Variants in CUBN observed in about 807,000 individuals in gnomAD.
The protein encoded by CUBN is 460 kDa receptor.
In CUBN, 282 loss-of-function variants were observed where a neutral mutation model predicts 405.3. The ratio of observed to expected loss-of-function variants is 0.70; its 90% CI spans 0.63 to 0.77. The LOEUF is 0.77. CUBN is among the 30% of genes least tolerant of loss of function. The probability of loss-of-function intolerance (pLI) is 0.00; values close to 1 mark genes in which losing one functional copy is unlikely to be tolerated. For synonymous variants in CUBN, 1,684 were observed against 1,617.0 expected (o/e 1.04, Z -0.99); for missense variants, 4,514 against 4,475.2 (o/e 1.01, Z -0.25).
At chr10:16,958,012 A>G (rs1197350489) in intron 31 of CUBN, among the ~76,000 whole-genome samples, 3 of 152,212 alleles carry the variant, frequency 2.0e-5, no homozygotes, top group Non-Finnish European at 4.4e-5. Flanking sequence ...GAATAAGTAC[A>G]TATTGTTTCT....
At chr10:17,118,485 G>A (rs1250108856) in intron 6 of CUBN, among the ~76,000 whole-genome samples, 2 of 152,076 alleles carry the variant, frequency 1.3e-5, no homozygotes, top group African/African-American at 2.4e-5. Flanking sequence ...GTGCCCAGGC[G>A]GAGTGCAGTG....
intron 60 of CUBN, among the ~76,000 whole-genome samples, chr10:16,848,468 A>G (rs1564383687): frequency 6.6e-6 from 1 of 152,184 alleles, no homozygotes. Context: ...TCAATCCTCA[A>G]AACTGCCTTT....
At chr10:17,090,418 G>C (rs1444041422) in intron 14 of CUBN, among the ~76,000 whole-genome samples, 1 of 151,690 alleles carries the variant, frequency 6.6e-6, no homozygotes, top group Non-Finnish European at 1.5e-5. Context: ...AAAAAAAAAA[G>C]CTAGACCTCT....
rs1025420651 is a variant in CUBN, at chr10:16,951,531, C to G, written c.4969+745G>C. Among the ~76,000 whole-genome samples the G allele has an allele frequency of 4.6e-5, 7 of 152,300 alleles. No homozygotes were observed. The East Asian group carries it at 1.3e-3, about 29-fold the overall frequency. On this transcript the variant is annotated intron_variant, in intron 33 of 66. Transcript: ENST00000377833. ...CTGCAAACCTCAAAGGAGGGCAGGGCTCCTCTGAAACAGGATTCAGAAGGG... is the reference window on the plus strand; with the variant it reads ...CTGCAAACCTCAAAGGAGGGCAGGGGTCCTCTGAAACAGGATTCAGAAGGG...
intron 31 of CUBN, among the ~76,000 whole-genome samples, chr10:16,968,401 A>G (rs1212292372): frequency 6.6e-6 from 1 of 152,006 alleles, no homozygotes; most frequent in East Asian, 1.9e-4. Flanking sequence ...AGAAGTTACT[A>G]ATCATATTGC....
At chr10:16,936,401 T>C (rs1842504618) in intron 39 of CUBN, among the ~76,000 whole-genome samples, 1 of 152,330 alleles carries the variant, frequency 6.6e-6, no homozygotes, top group African/African-American at 2.4e-5. Context: ...TTGTATTCAG[T>C]GTCATGAAAG....
At chr10:16,940,308 A>G in intron 36 of CUBN, 71 bp from the exon 37 acceptor site, 1 of 1,353,560 alleles carries the variant, frequency 7.4e-7, no homozygotes, top group Non-Finnish European at 1.1e-6. Flanking sequence ...CCCGGATCAC[A>G]TGCTAGGTTA....
chr10:17,109,203 G>C (rs146494405), intron 10 of CUBN, among the ~76,000 whole-genome samples: 1 of 152,120 alleles, frequency 6.6e-6, no homozygotes, highest in African/African-American at 2.4e-5. Context: ...TGTCACCCTA[G>C]ATCTATTTTC....
rs149622438 is a variant in CUBN at position 16,940,151 on chromosome 10, C to T, written c.5429G>A (p.Arg1810Gln). Reference protein sequence around the residue: ...EGNATGHLVGRYCGNSFPLNY... With the variant: ...EGNATGHLVGQYCGNSFPLNY... ...GAGAGGGAAGGAGTTTCCACAGTAT[C>T]GTCCCACCAAGTGACCCGTGGCATT... Residue 1810 changes from arginine (R) to glutamine (Q), a missense_variant, in exon 37 of 67, where the codon CGA (arginine) becomes CAA (glutamine). Arg to Gln is a conservative substitution (Grantham distance 43). Around this residue, in one of 5 missense-constraint regions of CUBN, gnomAD observed 1,613 missense variants for 1,542.8 expected, o/e 1.05. Transcript: ENST00000377833. 3.6e-4 allele frequency: 582 copies of T among 1,613,920 alleles called. No individual in the cohort carries two copies. The highest frequency in any genetic ancestry group is 4.4e-4 in the Non-Finnish European group (525 of 1,179,944).
intron 59 of CUBN, among the ~76,000 whole-genome samples, chr10:16,853,243 G>A (rs1236503152): frequency 6.6e-6 from 1 of 152,112 alleles, no homozygotes; most frequent in Non-Finnish European, 1.5e-5. Flanking sequence ...GCCCTAGTAG[G>A]AACAGGGATT....
intron 27 of CUBN, chr10:17,023,502 C>T (rs1445537036): frequency 4.8e-6 from 2 of 416,850 alleles, no homozygotes; most frequent in Non-Finnish European, 1.0e-5. Flanking sequence ...AAATTGACCA[C>T]CCAAAACCAC....
At chr10:17,055,247 T>G (rs1038896665) in intron 22 of CUBN, among the ~76,000 whole-genome samples, 1 of 152,076 alleles carries the variant, frequency 6.6e-6, no homozygotes, top group Non-Finnish European at 1.5e-5. Flanking sequence ...TCAGCAAGTA[T>G]GCCCAGAAGG....
chr10:16,904,078 A>C lies in CUBN; in HGVS notation c.7950T>G (p.Gly2650=). The C allele has an allele frequency of 1.2e-6, 2 of 1,613,734 alleles. No homozygotes were observed. Among genetic ancestry groups the C allele is most frequent in the Non-Finnish European group, 8.5e-7 (1 of 1,179,620 alleles). Residue 2650 remains glycine, a synonymous_variant, in exon 51 of 67, where the codon GGT becomes GGG. Transcript: ENST00000377833. ...ADGPLMWRLC[G]PSKPTLPLVI... is the part of the protein sequence containing the mutation. ...CCAATGGCAATGTAGGCTTTGAAGGACCACAAAGTCTCCACATCAGGGGCC... is the reference window on the plus strand; with the variant it reads ...CCAATGGCAATGTAGGCTTTGAAGGCCCACAAAGTCTCCACATCAGGGGCC...
intron 41 of CUBN, among the ~76,000 whole-genome samples, chr10:16,926,829 ATCT>A (rs1842203872): frequency 7.9e-5 from 12 of 151,760 alleles, no homozygotes; most frequent in Admixed American, 1.3e-4. Flanking sequence ...CTATCTATCT[ATCT>A]ATCTATCTAT....
At chr10:17,052,554 C>T (rs184141703) in intron 22 of CUBN, among the ~76,000 whole-genome samples, 2,020 of 151,138 alleles carry the variant, frequency 0.013, 23 homozygotes, top group Non-Finnish European at 0.021. Flanking sequence ...GTCAGGAGTC[C>T]GAGACCAGCC....
chr10:16,931,472 C>T (rs1269576829), intron 40 of CUBN, among the ~76,000 whole-genome samples: 1 of 152,190 alleles, frequency 6.6e-6, no homozygotes, highest in African/African-American at 2.4e-5. Context: ...CGCATAACCA[C>T]TTTAAAACAT....
At chr10:17,029,606 A>G (rs1834745999) in intron 27 of CUBN, among the ~76,000 whole-genome samples, 1 of 152,248 alleles carries the variant, frequency 6.6e-6, no homozygotes, top group Admixed American at 6.5e-5. Flanking sequence ...TTTGAATAGC[A>G]GCTGAACTTA....
intron 19 of CUBN, among the ~76,000 whole-genome samples, chr10:17,070,591 T>C (rs1835718358): frequency 6.6e-6 from 1 of 152,184 alleles, no homozygotes; most frequent in Non-Finnish European, 1.5e-5. Flanking sequence ...TTTTTAAAAC[T>C]GTATTCCTTC....
chr10:16,869,006 T>A (rs1417122727), intron 59 of CUBN, among the ~76,000 whole-genome samples: 1 of 152,152 alleles, frequency 6.6e-6, no homozygotes, highest in Non-Finnish European at 1.5e-5. Flanking sequence ...TCCAATGTAT[T>A]CTGCCTTCCG....
Sources: allele counts gnomAD v4.1 joint callset (sites outside exome capture counted in the v4.1 genomes callset), GRCh38; gene constraint gnomAD v4.1.1; regional missense constraint gnomAD v4.1.1; transcripts MANE v1.5; gene names NCBI Gene and HGNC (gene_info 2026-07-23, HGNC 2026-07-21).